Variants in XKR6 observed in about 807,000 individuals in gnomAD.
XKR6 encodes XK related 6.
In XKR6, 22 loss-of-function variants were observed where a neutral mutation model predicts 56.7. The ratio of observed to expected loss-of-function variants is 0.39; its 90% CI spans 0.28 to 0.55. The LOEUF (loss-of-function observed/expected upper bound fraction) is 0.55, where lower values mean the gene tolerates loss of function less well. Among genes scored for constraint, XKR6 ranks in the 20% least tolerant of loss-of-function variants. The pLI, the probability that XKR6 is intolerant of heterozygous loss-of-function variation, is 0.66. For missense variants in XKR6, 852 were observed against 889.0 expected, an observed-to-expected ratio of 0.96 and a Z score of 0.53; for synonymous variants, 524 against 387.8, an observed-to-expected ratio of 1.35 and a Z score of -4.13.
intron 1 of XKR6, among the ~76,000 whole-genome samples, chr8:10,998,925 C>A (rs1382071937): frequency 6.6e-6 from 1 of 152,216 alleles, no homozygotes; most frequent in Non-Finnish European, 1.5e-5. Flanking sequence ...TGTCGACCAA[C>A]TGTGTAGCCT....
rs1563162992 is a variant in XKR6 at position 11,134,406 on chromosome 8, G to GGGTA, written c.764+66166_764+66169dup. Among the ~76,000 whole-genome samples the GGGTA allele has an allele frequency of 8.5e-5, 13 of 152,262 alleles. No homozygotes were observed. The South Asian group carries it at 2.1e-3, about 24-fold the overall frequency. ...AGTATTAGCAAGGATACAGAGAAAA[G>GGGTA]GGTAGCATCATACACTGTTGGACAA... On this transcript the variant is annotated intron_variant, in intron 1 of 2. Coordinates refer to ENST00000416569, the MANE Select transcript of XKR6 (RefSeq NM_173683.4).
intron 1 of XKR6, among the ~76,000 whole-genome samples, chr8:11,065,579 C>T (rs191658013): frequency 7.3e-5 from 11 of 151,720 alleles, no homozygotes; most frequent in South Asian, 4.3e-4. Context: ...TTACTTAATA[C>T]GTTTTTTTTT....
At chr8:11,002,993 G>A (rs1242054034) in intron 1 of XKR6, among the ~76,000 whole-genome samples, 1 of 151,334 alleles carries the variant, frequency 6.6e-6, no homozygotes, top group Non-Finnish European at 1.5e-5. Context: ...TGGCTAAGGG[G>A]ACCACTGAAA....
chr8:11,093,113 T>C (rs1001732316), intron 1 of XKR6, among the ~76,000 whole-genome samples: 1 of 152,172 alleles, frequency 6.6e-6, no homozygotes, highest in African/African-American at 2.4e-5. Flanking sequence ...TGGAGTGCAA[T>C]GGTGTGATCT....
At chr8:10,945,048 T>C (rs933389586) in intron 1 of XKR6, among the ~76,000 whole-genome samples, 5 of 152,214 alleles carry the variant, frequency 3.3e-5, no homozygotes, top group African/African-American at 1.2e-4. Flanking sequence ...GGGTGACTTC[T>C]GTAAACATCC....
At chr8:11,020,391 G>A (rs1380955331) in intron 1 of XKR6, among the ~76,000 whole-genome samples, 1 of 152,168 alleles carries the variant, frequency 6.6e-6, no homozygotes, top group Non-Finnish European at 1.5e-5. Context: ...TAATTCATTT[G>A]ACAAATAAGA....
At chr8:11,190,259 GGAAAGGAAAAGAAAA>G (rs1246845383) in intron 1 of XKR6, among the ~76,000 whole-genome samples, 1 of 150,594 alleles carries the variant, frequency 6.6e-6, no homozygotes, top group Non-Finnish European at 1.5e-5. Context: ...AGAAAAGAAA[GGAAAGGAAAAGAAAA>G]GAAAGGAAAA....
Position 10,916,713 on chromosome 8 carries a change from G to A in XKR6, c.961+7921C>T, listed in dbSNP as rs781751875. 1.9e-3 allele frequency among the ~76,000 whole-genome samples: 291 copies of A among 152,168 alleles called. 1 individual carries two copies. The highest frequency in any genetic ancestry group is 3.5e-3 in the Non-Finnish European group (241 of 67,978). The stretch of plus-strand genomic sequence containing the variant: ...TGGGATGCTTTTCATCCTCACCAGG[G>A]AAAAAAAGAAGTAAGTGCTTGCCGG... On this transcript the variant is annotated intron_variant, in intron 2 of 2. Transcript: ENST00000416569.
chr8:11,039,144 G>A (rs1012376498), intron 1 of XKR6, among the ~76,000 whole-genome samples: 2 of 152,192 alleles, frequency 1.3e-5, no homozygotes, highest in Non-Finnish European at 2.9e-5. Context: ...GACAAGAAGG[G>A]AAGCACACGC....
chr8:11,107,527 A>G (rs1476737903), intron 1 of XKR6, among the ~76,000 whole-genome samples: 1 of 152,082 alleles, frequency 6.6e-6, no homozygotes, highest in East Asian at 1.9e-4. Flanking sequence ...TTATCCCCAC[A>G]TTTATATCAA....
At chr8:11,127,239 G>A (rs575325985) in intron 1 of XKR6, among the ~76,000 whole-genome samples, 1 of 152,130 alleles carries the variant, frequency 6.6e-6, no homozygotes, top group African/African-American at 2.4e-5. Flanking sequence ...TGTTCTACAA[G>A]CTCTGGAGTC....
At chr8:11,079,678 G>C (rs765885690) in intron 1 of XKR6, among the ~76,000 whole-genome samples, 1 of 152,210 alleles carries the variant, frequency 6.6e-6, no homozygotes, top group African/African-American at 2.4e-5. Flanking sequence ...ACCAATAAGG[G>C]ACCAGGCACG....
Position 11,200,488 on chromosome 8 carries a change from C to A in XKR6, c.764+88G>T. 7.4e-7 allele frequency: 1 copy of A among 1,344,212 alleles called. No homozygotes were observed. Among genetic ancestry groups the A allele is most frequent in the East Asian group, 3.1e-5 (1 of 32,786 alleles). The allele number at this position is 1,344,212 out of a possible 1,614,324, so 83.3% of individuals were successfully genotyped here. On this transcript the variant is annotated intron_variant, in intron 1 of 2. Transcript: ENST00000416569. The surrounding 1 kb of genome is among the most constrained non-coding windows in gnomAD (Gnocchi z 6.4). ...CCTCCTTCGAGCCCCCCGCGCTGGG[C>A]CCTTTCGAGGGGCCGCCCCGCGAAG...
chr8:10,978,046 C>T (rs1802620093), intron 1 of XKR6, among the ~76,000 whole-genome samples: 1 of 152,086 alleles, frequency 6.6e-6, no homozygotes, highest in Non-Finnish European at 1.5e-5. Flanking sequence ...ATTTAGCCTC[C>T]TTCCCATTTC....
At chr8:10,965,385 A>T (rs1304153147) in intron 1 of XKR6, among the ~76,000 whole-genome samples, 1 of 152,214 alleles carries the variant, frequency 6.6e-6, no homozygotes, top group African/African-American at 2.4e-5. Flanking sequence ...GGGGCCCCAC[A>T]GACTTTCCCA....
intron 1 of XKR6, among the ~76,000 whole-genome samples, chr8:10,980,578 A>T (rs1419451934): frequency 6.6e-6 from 1 of 152,152 alleles, no homozygotes; most frequent in Non-Finnish European, 1.5e-5. Context: ...ATACCTATCT[A>T]TTATCGATCT....
chr8:11,153,394 TA>T (rs1050192720), intron 1 of XKR6, among the ~76,000 whole-genome samples: 22 of 152,314 alleles, frequency 1.4e-4, no homozygotes, highest in African/African-American at 4.3e-4. Flanking sequence ...ATAGGTTGGA[TA>T]ACTTTAGCCC....
At chr8:11,107,621 G>A (rs1307666295) in intron 1 of XKR6, among the ~76,000 whole-genome samples, 6 of 152,266 alleles carry the variant, frequency 3.9e-5, no homozygotes, top group African/African-American at 1.4e-4. Flanking sequence ...CACTCTCTCT[G>A]TAGATGCGAA....
chr8:11,114,727 A>ATGTG (rs58011023), intron 1 of XKR6, among the ~76,000 whole-genome samples: 1,596 of 118,428 alleles, frequency 0.013, 16 homozygotes, highest in East Asian at 0.06. Flanking sequence ...TAGATCACAT[A>ATGTG]TGTGTGTGTG....
Sources: allele counts gnomAD v4.1 joint callset (sites outside exome capture counted in the v4.1 genomes callset), GRCh38; gene constraint gnomAD v4.1.1; non-coding constraint Gnocchi (gnomAD v3.1); transcripts MANE v1.5; gene names NCBI Gene and HGNC (gene_info 2026-07-23, HGNC 2026-07-21).